Variants in DAPK2 observed in about 807,000 individuals in gnomAD.
DAPK2 encodes death associated protein kinase 2, also known as death-associated protein kinase 2.
Under a neutral mutation model 44.1 loss-of-function variants are expected in DAPK2, and 35 were observed. That is an observed-to-expected ratio of 0.79 (90% CI 0.61 to 1.05). DAPK2 has a LOEUF of 1.05. DAPK2 is among the 50% of genes least tolerant of loss of function. The pLI is 0.00. For missense variants in DAPK2, 453 were observed against 483.2 expected (o/e 0.94, Z 0.59); for synonymous variants, 174 against 182.6 (o/e 0.95, Z 0.38).
intron 8 of DAPK2, chr15:63,919,499 C>CA (rs1320973794): frequency 1.3e-5 from 2 of 152,038 alleles, no homozygotes; most frequent in African/African-American, 4.8e-5. Flanking sequence ...TTTTTTGAGA[C>CA]AGAGTCTCAC....
intron 1 of DAPK2, among the ~76,000 whole-genome samples, chr15:64,037,185 A>G (rs559473840): frequency 1.3e-5 from 2 of 152,276 alleles, no homozygotes; most frequent in Non-Finnish European, 2.9e-5. Context: ...CACCACCTGG[A>G]TCTGGTCCCC....
rs2079420672 is a variant in DAPK2 at position 64,012,758 on chromosome 15, G to T, written c.92+27412C>A. 3.3e-5 allele frequency among the ~76,000 whole-genome samples: 5 copies of T among 152,198 alleles called. No individual in the cohort carries two copies. In the South Asian group the frequency reaches 1.0e-3, roughly 32 times the overall value. On this transcript the variant is annotated intron_variant, in intron 1 of 10. Coordinates refer to ENST00000261891, the Ensembl canonical transcript of DAPK2. The stretch of plus-strand genomic sequence containing the variant: ...TGGAAGGATATACAAGAAACTTAAT[G>T]ATCACTTATGAGGAATAGGACTAGA...
chr15:63,925,614 AG>A (rs1194425601), intron 7 of DAPK2, among the ~76,000 whole-genome samples: 1 of 151,238 alleles, frequency 6.6e-6, no homozygotes, highest in Non-Finnish European at 1.5e-5. Context: ...TCTGAATTCC[AG>A]GTGCCTTTGG....
intron 10 of DAPK2, 23 bp downstream of exon 11, chr15:63,911,885 G>A (rs769889828): frequency 6.2e-7 from 1 of 1,609,534 alleles, no homozygotes; most frequent in Non-Finnish European, 8.5e-7. Flanking sequence ...TTCTGCCCAA[G>A]AAGAGGGCAT....
intron 3 of DAPK2, among the ~76,000 whole-genome samples, chr15:63,943,447 C>A (rs2077368275): frequency 6.6e-6 from 1 of 152,088 alleles, no homozygotes; most frequent in African/African-American, 2.4e-5. Context: ...AGAAAAGAAA[C>A]CGAGACTATA....
rs894444792 is a variant in DAPK2 at position 63,912,103 on chromosome 15, C to T, written c.948+5G>A. The T allele has an allele frequency of 6.2e-7, 1 of 1,610,128 alleles. No individual in the cohort carries two copies. Among genetic ancestry groups the T allele is most frequent in the African/African-American group, 1.3e-5 (1 of 74,340 alleles). Reference sequence around the variant, plus strand: ...TGTCCCCCGCCGCCCCAACCCTGGACACACCTTCCACCGCCTGCGGACATA... The same window carrying T: ...TGTCCCCCGCCGCCCCAACCCTGGATACACCTTCCACCGCCTGCGGACATA... On this transcript the variant is annotated splice_donor_5th_base_variant and intron_variant, in intron 9 of 10. Transcript: ENST00000261891. The surrounding 1 kb of genome is among the most constrained non-coding windows in gnomAD (Gnocchi z 4.4).
chr15:63,975,659 T>C (rs1004120798), intron 2 of DAPK2, among the ~76,000 whole-genome samples: 4 of 151,818 alleles, frequency 2.6e-5, no homozygotes, highest in Non-Finnish European at 5.9e-5. Context: ...AGTGCAGTGA[T>C]GCGATCTCAG....
At chr15:63,998,669 C>G (rs1242873491) in intron 1 of DAPK2, among the ~76,000 whole-genome samples, 1 of 152,182 alleles carries the variant, frequency 6.6e-6, no homozygotes, top group African/African-American at 2.4e-5. Context: ...TTGCCATGGC[C>G]GTAACAGTAG....
chr15:63,961,105 C>T (rs11071784), intron 3 of DAPK2, among the ~76,000 whole-genome samples: 69,787 of 152,004 alleles, frequency 0.46, 17,655 homozygotes, highest in East Asian at 0.97. Context: ...TACGTAATGG[C>T]CTTCTTTGTC....
intron 1 of DAPK2, among the ~76,000 whole-genome samples, chr15:63,986,229 C>T (rs2078665049): frequency 6.6e-6 from 1 of 152,238 alleles, no homozygotes; most frequent in South Asian, 2.1e-4. Context: ...TATGCTTTCA[C>T]CTGCTCTGAA....
At chr15:63,967,645 T>C (rs1197810696) in intron 3 of DAPK2, among the ~76,000 whole-genome samples, 1 of 152,108 alleles carries the variant, frequency 6.6e-6, no homozygotes, top group Non-Finnish European at 1.5e-5. Flanking sequence ...GAGCCGAGAT[T>C]GTGCCACTGC....
At chr15:64,046,396 G>T, upstream of DAPK2, 1 of 267,588 alleles carries the variant, frequency 3.7e-6, no homozygotes, top group South Asian at 1.9e-4. The surrounding 1 kb of genome is among the most constrained non-coding windows in gnomAD (Gnocchi z 5.3). Context: ...GCGGGAACGG[G>T]GGACGCGGCG....
At chr15:63,944,241 C>A (rs1473594054) in intron 3 of DAPK2, among the ~76,000 whole-genome samples, 2 of 152,160 alleles carry the variant, frequency 1.3e-5, no homozygotes, top group African/African-American at 4.8e-5. Context: ...CCCAGGTTCT[C>A]GTCCCTACCT....
chr15:64,041,126 T>C (rs1343793636), upstream of DAPK2, among the ~76,000 whole-genome samples: 1 of 152,186 alleles, frequency 6.6e-6, no homozygotes, highest in African/African-American at 2.4e-5. Flanking sequence ...TCAGGTGTTG[T>C]ACCACCCAAC....
intron 3 of DAPK2, among the ~76,000 whole-genome samples, chr15:63,942,721 C>A (rs900061438): frequency 1.3e-5 from 2 of 152,126 alleles, no homozygotes; most frequent in Non-Finnish European, 2.9e-5. Flanking sequence ...CCTGCACTAC[C>A]CCAACCCCAA....
intron 2 of DAPK2, among the ~76,000 whole-genome samples, chr15:63,973,773 G>C (rs2078274892): frequency 6.6e-6 from 1 of 152,194 alleles, no homozygotes; most frequent in Non-Finnish European, 1.5e-5. Context: ...GCCAGAGTCT[G>C]AATGGACTAA....
intron 1 of DAPK2, among the ~76,000 whole-genome samples, chr15:64,018,060 A>G (rs185065412): frequency 2.0e-4 from 30 of 152,326 alleles, no homozygotes; most frequent in Admixed American, 6.5e-5. Context: ...CAAAAAAGTC[A>G]TTTTTTAAAA....
At chr15:63,945,107 C>T (rs2077414488) in intron 3 of DAPK2, among the ~76,000 whole-genome samples, 1 of 152,180 alleles carries the variant, frequency 6.6e-6, no homozygotes, top group Admixed American at 6.5e-5. Context: ...TCAAGTGATC[C>T]TCCCCGCTCA....
chr15:63,993,488 T>C (rs1453189588), intron 1 of DAPK2, among the ~76,000 whole-genome samples: 2 of 152,042 alleles, frequency 1.3e-5, no homozygotes, highest in Non-Finnish European at 2.9e-5. Context: ...GCCTGAGAGA[T>C]TCTTGATGTA....
Sources: allele counts gnomAD v4.1 joint callset (sites outside exome capture counted in the v4.1 genomes callset), GRCh38; gene constraint gnomAD v4.1.1; non-coding constraint Gnocchi (gnomAD v3.1); transcripts MANE v1.5; gene names NCBI Gene and HGNC (gene_info 2026-07-23, HGNC 2026-07-21).